The following RNF212B variants were observed in gnomAD, a reference collection of about 807,000 sequenced individuals.
RNF212B encodes ring finger protein 212B.
Under a neutral mutation model 55.5 loss-of-function variants are expected in RNF212B, and 52 were observed. The observed-to-expected ratio is 0.94, with a 90% CI of 0.75 to 1.18. The LOEUF (loss-of-function observed/expected upper bound fraction) is 1.18, where lower values mean the gene tolerates loss of function less well. Ranked by LOEUF, RNF212B falls within the 50% of genes most tolerant of loss-of-function variation. RNF212B has a pLI of 0.00. For synonymous variants in RNF212B, 99 were observed against 121.4 expected (o/e 0.82, Z 1.21); for missense variants, 289 against 350.4 (o/e 0.82, Z 1.40).
intron 1 of RNF212B, among the ~76,000 whole-genome samples, chr14:23,191,481 T>G (rs1310455447): frequency 7.2e-5 from 11 of 152,248 alleles, no homozygotes. Flanking sequence ...CCTATTAAAA[T>G]GTAAGCTCTG....
intron 2 of RNF212B, among the ~76,000 whole-genome samples, chr14:23,224,125 G>A (rs1167389884): frequency 2.6e-5 from 4 of 151,994 alleles, no homozygotes; most frequent in Admixed American, 6.6e-5. Flanking sequence ...TCATGTTCAC[G>A]GATTGGAAGA....
chr14:23,263,075 G>T, intron 9 of RNF212B, 105 bp downstream of exon 9: 1 of 1,017,554 alleles, frequency 9.8e-7, no homozygotes, highest in Admixed American at 2.2e-5. Context: ...GGTCTATGTA[G>T]AAGTTTAAAG....
At chr14:23,251,831 A>T (rs928261272) in intron 4 of RNF212B, among the ~76,000 whole-genome samples, 2 of 151,724 alleles carry the variant, frequency 1.3e-5, no homozygotes, top group South Asian at 4.2e-4. Context: ...AAAAAGAAAG[A>T]AAGAAAACCA....
intron 2 of RNF212B, among the ~76,000 whole-genome samples, chr14:23,195,278 A>C (rs1418629256): frequency 6.6e-6 from 1 of 151,894 alleles, no homozygotes; most frequent in Non-Finnish European, 1.5e-5. Context: ...AAAAAAAAAA[A>C]CCCATGAGAT....
intron 1 of RNF212B, among the ~76,000 whole-genome samples, chr14:23,186,700 T>C (rs1480724330): frequency 3.3e-5 from 5 of 152,214 alleles, no homozygotes; most frequent in African/African-American, 1.2e-4. Flanking sequence ...CAAATGGTTT[T>C]CTGAACAATA....
chr14:23,229,259 T>TATATATATATAC (rs1434448490), intron 2 of RNF212B, among the ~76,000 whole-genome samples: 14 of 122,488 alleles, frequency 1.1e-4, no homozygotes, highest in African/African-American at 3.8e-4. Context: ...TATATATATA[T>TATATATATATAC]ATACCACATT....
At chr14:23,259,510 A>G (rs1316688442) in intron 5 of RNF212B, 1 of 144,992 alleles carries the variant, frequency 6.9e-6, no homozygotes, top group East Asian at 2.0e-4. Flanking sequence ...TTTGGGGGCT[A>G]TGTTAATCTC....
At chr14:23,238,551 G>A (rs1342406085) in intron 1 of RNF212B, among the ~76,000 whole-genome samples, 1 of 151,474 alleles carries the variant, frequency 6.6e-6, no homozygotes, top group Non-Finnish European at 1.5e-5. Flanking sequence ...AACACAGAGA[G>A]GCCTTGTCTC....
chr14:23,233,421 A>G (rs1011903823), upstream of RNF212B, among the ~76,000 whole-genome samples: 3 of 151,502 alleles, frequency 2.0e-5, no homozygotes, highest in Non-Finnish European at 4.4e-5. Context: ...AAAAAAAAGA[A>G]TATTTAAAGA....
intron 11 of RNF212B, 147 bp downstream of exon 11, chr14:23,264,818 G>GTT (rs35272583): frequency 1.6e-3 from 428 of 269,172 alleles, no homozygotes; most frequent in East Asian, 3.1e-3. Context: ...ATATTACAAG[G>GTT]TTTTTTTTTT....
At chr14:23,238,947 A>C (rs1883353194) in intron 1 of RNF212B, among the ~76,000 whole-genome samples, 3 of 152,136 alleles carry the variant, frequency 2.0e-5, no homozygotes, top group African/African-American at 7.2e-5. Context: ...CCAATAACTA[A>C]AGATGGAACT....
intron 2 of RNF212B, among the ~76,000 whole-genome samples, chr14:23,223,189 T>C (rs1386041093): frequency 6.6e-6 from 1 of 152,110 alleles, no homozygotes; most frequent in African/African-American, 2.4e-5. Context: ...ACAAACCATA[T>C]GATCATTTCA....
intron 2 of RNF212B, among the ~76,000 whole-genome samples, chr14:23,229,466 A>T (rs937890883): frequency 3.3e-5 from 5 of 151,710 alleles, no homozygotes; most frequent in African/African-American, 9.7e-5. Flanking sequence ...GAGCCACCAA[A>T]TTGCTTTCCA....
At position 23,201,236 on chromosome 14, in the gene RNF212B, C is replaced by T. The variant is rs142432992; in HGVS notation, c.-2+7835C>T. On this transcript the variant is annotated intron_variant, in intron 2 of 15. Transcript: ENST00000399910. Reference sequence around the variant, plus strand: ...TCTCCAAAGCTATCAGAAATCTGCACTCAAGAGCACCTGTTATAGTTTAAT... The same window carrying T: ...TCTCCAAAGCTATCAGAAATCTGCATTCAAGAGCACCTGTTATAGTTTAAT... Among the ~76,000 whole-genome samples the T allele has an allele frequency of 3.8e-3, 584 of 152,266 alleles. 3 individuals are homozygous for T. The highest frequency in any genetic ancestry group is 0.013 in the African/African-American group (552 of 41,550).
At chr14:23,226,401 C>T (rs566544781) in intron 2 of RNF212B, among the ~76,000 whole-genome samples, 1 of 151,168 alleles carries the variant, frequency 6.6e-6, no homozygotes, top group East Asian at 1.9e-4. Context: ...GAAGCTGTGG[C>T]GGGCGGATCA....
intron 7 of RNF212B, 111 bp from the exon 8 acceptor site, chr14:23,262,554 C>T (rs979098344): frequency 3.3e-6 from 3 of 920,544 alleles, no homozygotes; most frequent in Non-Finnish European, 4.9e-6. Context: ...AGCAATTTGT[C>T]CTCAGAGAGG....
chr14:23,221,364 T>C (rs981576426), intron 2 of RNF212B, among the ~76,000 whole-genome samples: 29 of 150,974 alleles, frequency 1.9e-4, no homozygotes, highest in African/African-American at 6.8e-4. Flanking sequence ...AAAGACAAAA[T>C]AGATTTCAAG....
intron 4 of RNF212B, among the ~76,000 whole-genome samples, chr14:23,253,045 G>T (rs1433670480): frequency 6.6e-6 from 1 of 151,934 alleles, no homozygotes; most frequent in Non-Finnish European, 1.5e-5. Context: ...TCAGTGAATG[G>T]CCAGTTTTCC....
intron 2 of RNF212B, among the ~76,000 whole-genome samples, chr14:23,219,634 G>A (rs1881389397): frequency 6.6e-6 from 1 of 151,902 alleles, no homozygotes; most frequent in Non-Finnish European, 1.5e-5. Context: ...ACCATGCCCA[G>A]CTAATTTTTG....
Sources: allele counts gnomAD v4.1 joint callset (sites outside exome capture counted in the v4.1 genomes callset), GRCh38; gene constraint gnomAD v4.1.1; transcripts MANE v1.5; gene names NCBI Gene and HGNC (gene_info 2026-07-23, HGNC 2026-07-21).